PLXDC2: variants seen among roughly 807,000 people sequenced by gnomAD.
The protein encoded by PLXDC2 is plexin domain containing 2.
A neutral mutation model predicts 68.9 loss-of-function variants in PLXDC2; 40 were observed. The observed-to-expected ratio is 0.58, with a 90% CI of 0.45 to 0.76. The LOEUF (loss-of-function observed/expected upper bound fraction) is 0.76. PLXDC2 is among the 30% of genes least tolerant of loss of function. The pLI, the probability that PLXDC2 is intolerant of heterozygous loss-of-function variation, is 0.00. For synonymous variants in PLXDC2, 243 were observed against 234.2 expected, an observed-to-expected ratio of 1.04 and a Z score of -0.34; for missense variants, 644 against 661.9, an observed-to-expected ratio of 0.97 and a Z score of 0.30.
Position 20,243,920 on chromosome 10 carries a change from G to A in PLXDC2, c.1313-1425G>A, listed in dbSNP as rs561284728. 4.6e-5 allele frequency among the ~76,000 whole-genome samples: 7 copies of A among 152,128 alleles called. No individual in the cohort carries two copies. The East Asian group carries it at 7.8e-4, about 17-fold the overall frequency. On this transcript the variant is annotated intron_variant, in intron 12 of 13. Coordinates refer to ENST00000377252, the MANE Select transcript of PLXDC2 (RefSeq NM_032812.9). ...CTAAAAATGCAAAAATTAGCCAGGT[G>A]TAGTGGCAAGCGCCTGTAATCCCAG...
intron 13 of PLXDC2, among the ~76,000 whole-genome samples, chr10:20,279,167 A>G (rs542942546): frequency 6.6e-6 from 1 of 152,360 alleles, no homozygotes; most frequent in African/African-American, 2.4e-5. Flanking sequence ...AACTAAATAA[A>G]TAATTTCTTA....
At chr10:20,066,516 T>G (rs6482081) in intron 3 of PLXDC2, among the ~76,000 whole-genome samples, 54,533 of 152,024 alleles carry the variant, frequency 0.36, 11,343 homozygotes, top group East Asian at 0.7. Flanking sequence ...AATTATTCCT[T>G]ACATCTTTGA....
chr10:20,213,528 A>G (rs772577793), intron 10 of PLXDC2, among the ~76,000 whole-genome samples: 3 of 152,122 alleles, frequency 2.0e-5, no homozygotes, highest in Non-Finnish European at 4.4e-5. Flanking sequence ...TCATATAAAT[A>G]TTAAACTCAC....
chr10:20,164,180 G>A (rs1002083325), intron 6 of PLXDC2, among the ~76,000 whole-genome samples: 3 of 152,110 alleles, frequency 2.0e-5, no homozygotes, highest in South Asian at 2.1e-4. Context: ...TGTGTGATAG[G>A]TTTGCAGCAT....
intron 2 of PLXDC2, among the ~76,000 whole-genome samples, chr10:20,027,909 A>T (rs1186177380): frequency 6.6e-6 from 1 of 152,052 alleles, no homozygotes; most frequent in Non-Finnish European, 1.5e-5. Context: ...GAACTTTAGG[A>T]GTCACCATTT....
At chr10:20,167,016 G>A (rs1185668145) in intron 7 of PLXDC2, among the ~76,000 whole-genome samples, 2 of 152,150 alleles carry the variant, frequency 1.3e-5, no homozygotes, top group South Asian at 2.1e-4. Context: ...AGAGAAAAAT[G>A]TCCCTCACAC....
chr10:20,104,284 A>T (rs940493344), intron 4 of PLXDC2, among the ~76,000 whole-genome samples: 3 of 152,176 alleles, frequency 2.0e-5, no homozygotes, highest in Non-Finnish European at 4.4e-5. Context: ...ATCAAATATT[A>T]TTTTTATTTT....
At chr10:20,275,961 G>GT (rs11393092) in intron 13 of PLXDC2, among the ~76,000 whole-genome samples, 129,470 of 151,770 alleles carry the variant, frequency 0.85, 55,684 homozygotes, top group Middle Eastern at 0.94. Context: ...GGAAGGGTAG[G>GT]TTTTTTTGAA....
intron 13 of PLXDC2, among the ~76,000 whole-genome samples, chr10:20,266,155 C>G (rs946556950): frequency 6.6e-6 from 1 of 152,070 alleles, no homozygotes; most frequent in African/African-American, 2.4e-5. Flanking sequence ...AATGAGAAAT[C>G]AGGGAAAATC....
intron 4 of PLXDC2, among the ~76,000 whole-genome samples, chr10:20,112,484 G>A (rs949396820): frequency 2.8e-4 from 43 of 152,042 alleles, no homozygotes; most frequent in Non-Finnish European, 8.8e-5. Flanking sequence ...GCTCTGACTC[G>A]ATGTCCTCCT....
chr10:19,862,951 C>T (rs1177680732), intron 1 of PLXDC2, among the ~76,000 whole-genome samples: 7 of 152,142 alleles, frequency 4.6e-5, no homozygotes, highest in African/African-American at 1.2e-4. Context: ...TGAAGAGCTT[C>T]GTATAATACA....
Position 19,835,083 on chromosome 10 carries a change from C to A in PLXDC2, c.112+17892C>A, listed in dbSNP as rs146088677. 5.9e-3 allele frequency among the ~76,000 whole-genome samples: 891 copies of A among 152,282 alleles called. 9 individuals carry two copies. Among genetic ancestry groups the A allele is most frequent in the South Asian group, 0.03 (147 of 4,822 alleles). Reference sequence around the variant, plus strand: ...ATCCTGGGGCAGAGAACTGTGAAATCTTCAGGGAACTGCCCTTGCCTGTTG... The same window carrying A: ...ATCCTGGGGCAGAGAACTGTGAAATATTCAGGGAACTGCCCTTGCCTGTTG... On this transcript the variant is annotated intron_variant, in intron 1 of 13. Transcript: ENST00000377252.
chr10:19,894,872 T>G (rs1007747277), intron 1 of PLXDC2, among the ~76,000 whole-genome samples: 1 of 152,182 alleles, frequency 6.6e-6, no homozygotes, highest in African/African-American at 2.4e-5. Context: ...AGTGTGGCGA[T>G]TCTTCAAAGA....
In PLXDC2 at chr10:20,015,300, T is replaced by G. The variant is rs55818942; in HGVS notation, c.324+13314T>G. Among the ~76,000 whole-genome samples the G allele has an allele frequency of 0.045, 6,847 of 151,228 alleles. 709 individuals carry two copies. The East Asian group carries it at 0.47, about 10-fold the overall frequency. On this transcript the variant is annotated intron_variant, in intron 2 of 13. Transcript: ENST00000377252. ...GGCAAGGTTGGAATATACTAAAGTG[T>G]TTTTTTTTCCAAAGTCTCTAAAGAG...
intron 1 of PLXDC2, among the ~76,000 whole-genome samples, chr10:19,955,414 C>T (rs903086641): frequency 6.6e-6 from 1 of 151,958 alleles, no homozygotes. Context: ...AATGCACCCT[C>T]GTCTTGATTC....
chr10:20,118,105 TACACACACACACAC>T (rs60160833), intron 4 of PLXDC2, among the ~76,000 whole-genome samples: 11 of 146,822 alleles, frequency 7.5e-5, no homozygotes, highest in African/African-American at 2.5e-4. Context: ...CATATATGCC[TACACACACACACAC>T]ACACACACAC....
intron 1 of PLXDC2, among the ~76,000 whole-genome samples, chr10:19,892,871 A>G (rs932279325): frequency 6.6e-6 from 1 of 151,916 alleles, no homozygotes; most frequent in Non-Finnish European, 1.5e-5. Context: ...AGACCCAATC[A>G]GACAGCAGGA....
chr10:20,288,705 T>C lies in PLXDC2; in HGVS notation c.*8886T>C, dbSNP rs1453382786. 2 of 152,242 alleles carry C rather than the reference T, an allele frequency of 1.3e-5. No individual in the cohort carries two copies. The highest frequency in any genetic ancestry group is 2.9e-5 in the Non-Finnish European group (2 of 68,036). 9.4% of individuals were successfully genotyped at this position (152,242 alleles called of 1,614,324 possible). A position where few individuals can be genotyped will look rare whatever the true frequency, so the allele number is the denominator to read the frequency against. On this transcript the variant is annotated 3_prime_UTR_variant, in exon 14 of 14. Coordinates refer to ENST00000377252, the MANE Select transcript of PLXDC2 (RefSeq NM_032812.9). ...ATTGCAATAAGTCATTAATGTTTTCTTCACACAGCTTCTTAAACCAAGTTT... is the reference window on the plus strand; with the variant it reads ...ATTGCAATAAGTCATTAATGTTTTCCTCACACAGCTTCTTAAACCAAGTTT...
chr10:19,823,912 G>A (rs1195284462), intron 1 of PLXDC2, among the ~76,000 whole-genome samples: 3 of 152,112 alleles, frequency 2.0e-5, no homozygotes, highest in African/African-American at 7.2e-5. Context: ...GTAGGCTGAG[G>A]TGGGAGGATC....
Sources: allele counts gnomAD v4.1 joint callset (sites outside exome capture counted in the v4.1 genomes callset), GRCh38; gene constraint gnomAD v4.1.1; transcripts MANE v1.5; gene names NCBI Gene and HGNC (gene_info 2026-07-23, HGNC 2026-07-21).